The following COG5 variants were observed in gnomAD, a reference collection of about 807,000 sequenced individuals.
COG5 encodes component of oligomeric golgi complex 5.
A neutral mutation model predicts 110.4 loss-of-function variants in COG5; 86 were observed. That is an observed-to-expected ratio of 0.78 (90% confidence interval 0.65 to 0.93). COG5 has a LOEUF of 0.93. COG5 is among the 40% of genes least tolerant of loss of function. The pLI, the probability that COG5 is intolerant of heterozygous loss-of-function variation, is 0.00. For synonymous variants in COG5, 360 were observed against 334.6 expected, an observed-to-expected ratio of 1.08 and a Z score of -0.83; for missense variants, 1,077 against 987.0, an observed-to-expected ratio of 1.09 and a Z score of -1.22.
chr7:107,300,925 T>C (rs538052978), intron 11 of COG5, among the ~76,000 whole-genome samples: 7 of 152,086 alleles, frequency 4.6e-5, no homozygotes, highest in Non-Finnish European at 1.0e-4. Context: ...TAATAATTAA[T>C]ACACTAGTAC....
chr7:107,369,334 C>A (rs926993416), intron 8 of COG5, among the ~76,000 whole-genome samples: 1 of 151,254 alleles, frequency 6.6e-6, no homozygotes, highest in Non-Finnish European at 1.5e-5. Context: ...ACTAGTTTAT[C>A]CATTGCTTGT....
chr7:107,329,685 A>C (rs939267771), intron 10 of COG5, among the ~76,000 whole-genome samples: 10 of 152,088 alleles, frequency 6.6e-5, no homozygotes, highest in African/African-American at 2.4e-4. Flanking sequence ...TGAGGCCAGG[A>C]GTTCAAGACC....
intron 6 of COG5, among the ~76,000 whole-genome samples, chr7:107,435,837 G>C (rs1794331754): frequency 6.6e-6 from 1 of 152,122 alleles, no homozygotes. Flanking sequence ...ATAGGTATTT[G>C]TAAGCCCATA....
intron 12 of COG5, among the ~76,000 whole-genome samples, chr7:107,296,748 G>A (rs943677104): frequency 6.6e-6 from 1 of 152,000 alleles, no homozygotes; most frequent in African/African-American, 2.4e-5. Flanking sequence ...CTGCCAGTCA[G>A]AGCTTCTAAC....
At chr7:107,275,308 C>T (rs1201621896) in intron 14 of COG5, among the ~76,000 whole-genome samples, 1 of 150,158 alleles carries the variant, frequency 6.7e-6, no homozygotes, top group Non-Finnish European at 1.5e-5. Flanking sequence ...AAAAAAGGAT[C>T]AAGAGGCTAG....
At chr7:107,408,817 G>A (rs1584784942) in intron 7 of COG5, among the ~76,000 whole-genome samples, 1 of 152,308 alleles carries the variant, frequency 6.6e-6, no homozygotes, top group East Asian at 1.9e-4. Context: ...TAAAACACCA[G>A]TGGGCAGTTT....
In COG5 at chr7:107,252,380, A is replaced by G. The variant is rs113683298; in HGVS notation, c.1750-3881T>C. On this transcript the variant is annotated intron_variant, in intron 16 of 21. Coordinates refer to ENST00000297135, the MANE Select transcript of COG5 (RefSeq NM_006348.5). ...AGATAACACAAATAGCCCTTTCTCT[A>G]TTAAATGAATTAATGTGTAGTTATA... 6.8e-3 allele frequency among the ~76,000 whole-genome samples: 1,038 copies of G among 152,350 alleles called. 16 individuals are homozygous for G. Among genetic ancestry groups the G allele is most frequent in the African/African-American group, 0.024 (982 of 41,586 alleles).
intron 6 of COG5, among the ~76,000 whole-genome samples, chr7:107,520,740 A>G (rs936366291): frequency 6.6e-6 from 1 of 152,230 alleles, no homozygotes. Flanking sequence ...TATAGATTCA[A>G]TGCTATTCCT....
chr7:107,307,363 T>C lies in COG5; in HGVS notation c.1109-9017A>G, dbSNP rs1807818630. Among the ~76,000 whole-genome samples the C allele has an allele frequency of 2.6e-5, 4 of 152,222 alleles. 1 individual carries two copies. In the South Asian group the frequency reaches 8.3e-4, roughly 32 times the overall value. ...TCTTTATTCTTCTGTGCTGACTTCCTTCCTCTGCCTTAAGTGCTTTCCTTA... is the reference window on the plus strand; with the variant it reads ...TCTTTATTCTTCTGTGCTGACTTCCCTCCTCTGCCTTAAGTGCTTTCCTTA... On this transcript the variant is annotated intron_variant, in intron 11 of 21. Transcript: ENST00000297135.
At chr7:107,498,559 C>T (rs1798421244) in intron 6 of COG5, among the ~76,000 whole-genome samples, 1 of 151,844 alleles carries the variant, frequency 6.6e-6, no homozygotes, top group Admixed American at 6.6e-5. Flanking sequence ...TAATGCAAAT[C>T]GAAACCACAG....
chr7:107,398,354 G>C (rs967169355), intron 7 of COG5, among the ~76,000 whole-genome samples: 2 of 152,248 alleles, frequency 1.3e-5, no homozygotes, highest in Admixed American at 1.3e-4. Flanking sequence ...GTCGGTGGCT[G>C]TTAGGAACTG....
At chr7:107,216,921 GA>G (rs1435569673) in intron 19 of COG5, among the ~76,000 whole-genome samples, 1 of 151,808 alleles carries the variant, frequency 6.6e-6, no homozygotes, top group Admixed American at 6.6e-5. Flanking sequence ...AAAACCAGGG[GA>G]AAAAATCAAC....
At chr7:107,356,881 C>G (rs747538082) in intron 10 of COG5, among the ~76,000 whole-genome samples, 5 of 151,948 alleles carry the variant, frequency 3.3e-5, no homozygotes, top group Non-Finnish European at 5.9e-5. Context: ...ATATATCCTT[C>G]TTAAATATCT....
Position 107,548,056 on chromosome 7 carries a change from A to C in COG5, c.417+55T>G. The C allele has an allele frequency of 2.8e-6, 4 of 1,438,300 alleles. No individual in the cohort carries two copies. In the Admixed American group the frequency reaches 6.9e-5, roughly 25 times the overall value. 89.1% of individuals were successfully genotyped at this position (1,438,300 alleles called of 1,614,324 possible). A position where few individuals can be genotyped will look rare whatever the true frequency, so the allele number is the denominator to read the frequency against. ...AAACTCATACTCTTAAATTTTGTCC[A>C]CTTATGAAAACAAAATGAATAATAA... On this transcript the variant is annotated intron_variant, in intron 5 of 21. Transcript: ENST00000297135.
intron 12 of COG5, among the ~76,000 whole-genome samples, chr7:107,294,952 T>TATATATATACACAC (rs1562955380): frequency 7.3e-5 from 6 of 81,970 alleles, no homozygotes; most frequent in African/African-American, 1.7e-4. Context: ...CACACACACA[T>TATATATATACACAC]ATATATATAC....
Position 107,527,302 on chromosome 7 carries a change from A to G in COG5, c.473T>C (p.Leu158Pro). 1 of 1,613,032 alleles carries G rather than the reference A, an allele frequency of 6.2e-7. No homozygotes were observed. Among genetic ancestry groups the G allele is most frequent in the Non-Finnish European group, 8.5e-7 (1 of 1,179,560 alleles). The change falls in exon 6 of 22, where the codon CTC becomes CCC. Residue 158 changes from leucine (L) to proline (P), a missense_variant. Coordinates refer to ENST00000297135, the MANE Select transcript of COG5 (RefSeq NM_006348.5). ...IIRILNLSKR[L>P]QGQLQGGSRE... ...ACTTCCCCCTTGCAGTTGTCCTTGG[A>G]GTCTCTTACTGAGATTCAAGATACG...
intron 6 of COG5, among the ~76,000 whole-genome samples, chr7:107,443,043 T>A (rs1794814687): frequency 6.6e-6 from 1 of 152,066 alleles, no homozygotes; most frequent in African/African-American, 2.4e-5. Flanking sequence ...ACCTTTAAAC[T>A]AAAATAAAAT....
intron 7 of COG5, among the ~76,000 whole-genome samples, chr7:107,396,350 T>A (rs1791004914): frequency 6.6e-6 from 1 of 152,158 alleles, no homozygotes; most frequent in Non-Finnish European, 1.5e-5. Flanking sequence ...CTAATATAAT[T>A]ATTTCAGTAC....
chr7:107,301,201 T>G (rs1379913462), intron 11 of COG5, among the ~76,000 whole-genome samples: 2 of 152,200 alleles, frequency 1.3e-5, no homozygotes, highest in Non-Finnish European at 2.9e-5. Flanking sequence ...TTTCTGTCCT[T>G]GAGTTAGACA....
Sources: gnomAD v4.1 joint callset for allele counts (sites outside exome capture counted in the v4.1 genomes callset) on GRCh38, gnomAD v4.1.1 for gene constraint, MANE v1.5 for transcripts, NCBI Gene and HGNC (gene_info 2026-07-23, HGNC 2026-07-21) for gene names.